CNTN4: variants seen among roughly 807,000 people sequenced by gnomAD.
CNTN4 encodes the protein contactin 4.
CNTN4 carries 77 observed loss-of-function variants against 122.5 expected under a neutral mutation model. That is an observed-to-expected ratio of 0.63 (90% CI 0.52 to 0.76). The LOEUF is 0.76. CNTN4 is among the 30% of genes least tolerant of loss of function. The pLI, the probability that CNTN4 is intolerant of heterozygous loss-of-function variation, is 0.00. For synonymous variants in CNTN4, 512 were observed against 447.0 expected (o/e 1.15, Z -1.83); for missense variants, 1,256 against 1,259.1 (o/e 1.00, Z 0.04).
chr3:2,525,232 A>G (rs780789051), intron 3 of CNTN4, among the ~76,000 whole-genome samples: 43 of 152,162 alleles, frequency 2.8e-4, no homozygotes, highest in Admixed American at 9.8e-4. Flanking sequence ...ATGTTTTGCA[A>G]GTATTCTATG....
intron 2 of CNTN4, among the ~76,000 whole-genome samples, chr3:2,331,883 C>T (rs768124277): frequency 1.2e-4 from 18 of 152,160 alleles, no homozygotes; most frequent in Non-Finnish European, 2.4e-4. Context: ...GCCCAGTCCC[C>T]TGCCGCTGGG....
chr3:2,618,005 A>G (rs2081839639), intron 4 of CNTN4, among the ~76,000 whole-genome samples: 1 of 152,184 alleles, frequency 6.6e-6, no homozygotes, highest in Admixed American at 6.5e-5. Context: ...ATTAAGTAAA[A>G]TAGCAGCCAT....
At chr3:2,626,467 A>G (rs772040877) in intron 4 of CNTN4, among the ~76,000 whole-genome samples, 28 of 151,300 alleles carry the variant, frequency 1.9e-4, no homozygotes, top group Non-Finnish European at 3.8e-4. Flanking sequence ...ACCGCACTCC[A>G]GCCTGGGCGA....
chr3:2,293,855 C>G (rs763342462), intron 2 of CNTN4, among the ~76,000 whole-genome samples: 4 of 151,950 alleles, frequency 2.6e-5, no homozygotes, highest in Admixed American at 1.3e-4. Context: ...TGTCAATTAT[C>G]TCTTGCTGTG....
Position 2,251,244 on chromosome 3 carries a change from A to G in CNTN4, c.-144-87934A>G, listed in dbSNP as rs143219306. On this transcript the variant is annotated intron_variant, in intron 2 of 24. Coordinates refer to ENST00000418658, the MANE Select transcript of CNTN4 (RefSeq NM_175607.3). The stretch of plus-strand genomic sequence containing the variant: ...GAAGTTCAGCATGGCCACCTAAGAT[A>G]TTAAATATTTGCTACAGGAATGCTA... 8.9e-3 allele frequency among the ~76,000 whole-genome samples: 1,356 copies of G among 152,054 alleles called. 10 individuals are homozygous for G. The highest frequency in any genetic ancestry group is 0.014 in the Non-Finnish European group (958 of 67,832).
At chr3:2,759,766 A>C (rs529167915) in intron 6 of CNTN4, among the ~76,000 whole-genome samples, 3 of 151,982 alleles carry the variant, frequency 2.0e-5, no homozygotes, top group Admixed American at 1.3e-4. Flanking sequence ...ATTATTTTCC[A>C]AATTGGCTGT....
chr3:2,645,888 C>T (rs2083094969), intron 4 of CNTN4, among the ~76,000 whole-genome samples: 1 of 152,208 alleles, frequency 6.6e-6, no homozygotes, highest in Non-Finnish European at 1.5e-5. Context: ...CTGAGACATA[C>T]ATGCACAGAA....
At chr3:2,254,719 C>T (rs1026177143) in intron 2 of CNTN4, among the ~76,000 whole-genome samples, 1 of 152,042 alleles carries the variant, frequency 6.6e-6, no homozygotes, top group Non-Finnish European at 1.5e-5. Flanking sequence ...TATCATTTGC[C>T]CACTTTTTGA....
At chr3:2,358,340 A>G (rs13059126) in intron 3 of CNTN4, among the ~76,000 whole-genome samples, 15,158 of 152,184 alleles carry the variant, frequency 0.1, 1,056 homozygotes, top group Admixed American at 0.22. Context: ...AAATGACAGC[A>G]TATTTAAAAG....
chr3:2,689,052 G>C (rs765782440), intron 4 of CNTN4, among the ~76,000 whole-genome samples: 1 of 152,164 alleles, frequency 6.6e-6, no homozygotes, highest in Admixed American at 6.5e-5. Flanking sequence ...AGTTCGAAAG[G>C]TTGCAGACAT....
chr3:2,270,794 T>C (rs2041263534), intron 2 of CNTN4, among the ~76,000 whole-genome samples: 1 of 152,124 alleles, frequency 6.6e-6, no homozygotes, highest in South Asian at 2.1e-4. Flanking sequence ...GGGCAGGCCA[T>C]GGCTTAGTTC....
At position 3,057,044 on chromosome 3, in the gene CNTN4, C is replaced by T. The variant is rs1468285286; in HGVS notation, c.*824C>T. ...CATTAAATTTGAAGTAACATATATC[C>T]TGTAGTAACATAGACCCAAAGTTAC... On this transcript the variant is annotated 3_prime_UTR_variant, in exon 25 of 25. Coordinates refer to ENST00000418658, the MANE Select transcript of CNTN4 (RefSeq NM_175607.3). 6.6e-6 allele frequency: 1 copy of T among 152,538 alleles called. No homozygotes were observed. The highest frequency in any genetic ancestry group is 1.5e-5 in the Non-Finnish European group (1 of 68,022). 9.4% of individuals were successfully genotyped at this position (152,538 alleles called of 1,614,324 possible). A position where few individuals can be genotyped will look rare whatever the true frequency, so the allele number is the denominator to read the frequency against.
chr3:2,194,169 A>G (rs35796427), intron 2 of CNTN4, among the ~76,000 whole-genome samples: 46,120 of 152,044 alleles, frequency 0.3, 8,800 homozygotes, highest in Non-Finnish European at 0.42. Flanking sequence ...GTATAATTAT[A>G]GAAAGTGAAT....
chr3:2,441,036 GC>G (rs2048422310), intron 3 of CNTN4, among the ~76,000 whole-genome samples: 1 of 151,250 alleles, frequency 6.6e-6, no homozygotes, highest in South Asian at 2.1e-4. Context: ...GTATTCCATG[GC>G]CCTGTATTTG....
At chr3:2,186,964 C>G (rs1389848385) in intron 2 of CNTN4, among the ~76,000 whole-genome samples, 1 of 152,174 alleles carries the variant, frequency 6.6e-6, no homozygotes, top group Non-Finnish European at 1.5e-5. Context: ...GCTTTTGTTG[C>G]AATTGCTTTT....
chr3:2,449,663 A>T (rs2048753531), intron 3 of CNTN4, among the ~76,000 whole-genome samples: 1 of 151,646 alleles, frequency 6.6e-6, no homozygotes, highest in Non-Finnish European at 1.5e-5. Flanking sequence ...TGAGATCCTG[A>T]TTTCAATTCT....
intron 4 of CNTN4, among the ~76,000 whole-genome samples, chr3:2,655,450 A>G (rs1374192798): frequency 1.3e-5 from 2 of 152,138 alleles, no homozygotes; most frequent in African/African-American, 2.4e-5. Context: ...CTGTTCTCAT[A>G]AAAGTTGAAT....
chr3:2,120,681 G>C (rs1403194679), intron 2 of CNTN4, among the ~76,000 whole-genome samples: 1 of 151,838 alleles, frequency 6.6e-6, no homozygotes, highest in African/African-American at 2.4e-5. Context: ...GGGATTACAG[G>C]CATGAGCTAC....
chr3:2,941,687 T>C (rs1437209676), intron 13 of CNTN4, among the ~76,000 whole-genome samples: 1 of 152,210 alleles, frequency 6.6e-6, no homozygotes, highest in Non-Finnish European at 1.5e-5. Flanking sequence ...GCTCTGCTTC[T>C]ATACTCGCTC....
Sources: allele counts gnomAD v4.1 joint callset (sites outside exome capture counted in the v4.1 genomes callset), GRCh38; gene constraint gnomAD v4.1.1; transcripts MANE v1.5; gene names NCBI Gene and HGNC (gene_info 2026-07-23, HGNC 2026-07-21).